PARD3: variants seen among roughly 807,000 people sequenced by gnomAD.
The protein encoded by PARD3 is par-3 family cell polarity regulator.
A neutral mutation model predicts 155.4 loss-of-function variants in PARD3; 75 were observed. That is an observed-to-expected ratio of 0.48 (90% CI 0.40 to 0.58). The LOEUF is 0.58. PARD3 is among the 20% of genes least tolerant of loss of function. The pLI is 0.00. For synonymous variants in PARD3, 576 were observed against 610.5 expected, an observed-to-expected ratio of 0.94 and a Z score of 0.83; for missense variants, 1,642 against 1,721.7, an observed-to-expected ratio of 0.95 and a Z score of 0.82.
At chr10:34,233,167 T>C (rs586562) in intron 22 of PARD3, among the ~76,000 whole-genome samples, 8,496 of 151,914 alleles carry the variant, frequency 0.056, 580 homozygotes, top group African/African-American at 0.15. Flanking sequence ...ATCAGGCGTG[T>C]AGCCAGATAT....
At chr10:34,418,060 A>G (rs1253888102) in intron 5 of PARD3, among the ~76,000 whole-genome samples, 2 of 152,222 alleles carry the variant, frequency 1.3e-5, no homozygotes, top group Non-Finnish European at 2.9e-5. Flanking sequence ...GTAATTCTAT[A>G]CTCTAGAAGC....
At chr10:34,293,573 A>G (rs1004726031) in intron 20 of PARD3, among the ~76,000 whole-genome samples, 1 of 152,232 alleles carries the variant, frequency 6.6e-6, no homozygotes, top group Non-Finnish European at 1.5e-5. Context: ...ATGTCCACTT[A>G]AAATGATTTG....
intron 20 of PARD3, among the ~76,000 whole-genome samples, chr10:34,305,866 G>C (rs1000801961): frequency 3.3e-5 from 5 of 152,134 alleles, no homozygotes; most frequent in Non-Finnish European, 7.4e-5. Context: ...TGCACCTATA[G>C]TCCCAGCTAC....
At chr10:34,203,959 C>G (rs1020248994) in intron 22 of PARD3, among the ~76,000 whole-genome samples, 1 of 152,178 alleles carries the variant, frequency 6.6e-6, no homozygotes, top group African/African-American at 2.4e-5. Context: ...CTCAAAGACG[C>G]CTCTCATGTT....
At chr10:34,166,095 G>C (rs1198543446) in intron 22 of PARD3, among the ~76,000 whole-genome samples, 2 of 152,156 alleles carry the variant, frequency 1.3e-5, no homozygotes, top group Non-Finnish European at 2.9e-5. Flanking sequence ...TTACAGATAT[G>C]AAGTACTTTA....
chr10:34,426,882 T>A (rs956975796), intron 5 of PARD3, among the ~76,000 whole-genome samples: 6 of 152,196 alleles, frequency 3.9e-5, no homozygotes, highest in Non-Finnish European at 7.3e-5. Context: ...GGACATTTAT[T>A]AGTTCCCCAA....
intron 1 of PARD3, among the ~76,000 whole-genome samples, chr10:34,723,365 A>G (rs1175625754): frequency 6.6e-6 from 1 of 152,206 alleles, no homozygotes; most frequent in African/African-American, 2.4e-5. Context: ...TATCCAGTAA[A>G]ATCATACGAG....
At chr10:34,127,927 T>C (rs1947373969) in intron 23 of PARD3, among the ~76,000 whole-genome samples, 1 of 152,212 alleles carries the variant, frequency 6.6e-6, no homozygotes, top group African/African-American at 2.4e-5. Flanking sequence ...TATAAGCAGA[T>C]TAACATAATT....
chr10:34,635,134 AAGG>A (rs1430025583), intron 2 of PARD3, among the ~76,000 whole-genome samples: 3 of 152,254 alleles, frequency 2.0e-5, no homozygotes, highest in African/African-American at 7.2e-5. Flanking sequence ...GACATTTTCA[AAGG>A]AGGAGGAGAA....
Position 34,470,219 on chromosome 10 carries a change from C to T in PARD3, c.448G>A (p.Gly150Ser), listed in dbSNP as rs773670703. ...VRRSSDPALI[G>S]LSTSVSDSNF... ...CTATCACTGACAGAAGTGGAGAGGC[C>T]AATTAGAGCTGGGTCACTACTGCGT... is the stretch of plus-strand genomic sequence containing the variant. The change falls in exon 4 of 25, where the codon GGC (glycine) becomes AGC (serine). Residue 150 changes from glycine (G) to serine (S), a missense_variant. This residue lies in a region of PARD3 where 1,529 missense variants were observed against 1,587.3 expected (regional missense o/e 0.96). Transcript: ENST00000374788. 11 of 1,612,242 alleles carry T rather than the reference C, an allele frequency of 6.8e-6. No individual in the cohort carries two copies. Among genetic ancestry groups the T allele is most frequent in the Non-Finnish European group, 9.3e-6 (11 of 1,179,176 alleles).
chr10:34,603,654 A>T (rs148178405), intron 2 of PARD3, among the ~76,000 whole-genome samples: 11 of 152,346 alleles, frequency 7.2e-5, no homozygotes, highest in Non-Finnish European at 1.0e-4. Context: ...ACCAGAGGCA[A>T]GTAATAGTAC....
At chr10:34,471,447 G>A (rs1246581328) in intron 3 of PARD3, among the ~76,000 whole-genome samples, 3 of 152,188 alleles carry the variant, frequency 2.0e-5, no homozygotes, top group Non-Finnish European at 2.9e-5. Flanking sequence ...GCAACTGAGT[G>A]AAATCACTCA....
chr10:34,810,864 G>T (rs898786113), intron 1 of PARD3, among the ~76,000 whole-genome samples: 1 of 152,028 alleles, frequency 6.6e-6, no homozygotes, highest in Non-Finnish European at 1.5e-5. Flanking sequence ...TGAGATAATG[G>T]GGCTCCGTAG....
chr10:34,375,251 C>T (rs1841110881), intron 10 of PARD3, among the ~76,000 whole-genome samples: 1 of 152,100 alleles, frequency 6.6e-6, no homozygotes, highest in Non-Finnish European at 1.5e-5. Flanking sequence ...CATCATTAAA[C>T]CCAAAGTGAC....
chr10:34,685,677 T>A (rs745601672), intron 2 of PARD3, among the ~76,000 whole-genome samples: 1 of 150,116 alleles, frequency 6.7e-6, no homozygotes, highest in African/African-American at 2.5e-5. Context: ...CACTACAACC[T>A]CCGCCTCCTG....
intron 1 of PARD3, among the ~76,000 whole-genome samples, chr10:34,735,859 A>G (rs903134584): frequency 2.0e-5 from 3 of 152,102 alleles, no homozygotes; most frequent in Admixed American, 1.3e-4. Context: ...TATTTTTTAT[A>G]TATATGGTAT....
At chr10:34,736,681 T>A (rs977580319) in intron 1 of PARD3, among the ~76,000 whole-genome samples, 10 of 150,942 alleles carry the variant, frequency 6.6e-5, no homozygotes, top group African/African-American at 2.5e-4. Flanking sequence ...TTTATTTATT[T>A]ATTTATTTAC....
At chr10:34,540,028 G>A (rs1344447724) in intron 2 of PARD3, among the ~76,000 whole-genome samples, 1 of 152,196 alleles carries the variant, frequency 6.6e-6, no homozygotes, top group Non-Finnish European at 1.5e-5. Flanking sequence ...CAAGTGTGCA[G>A]GGCGGAATGG....
chr10:34,154,418 T>A (rs906389068), intron 22 of PARD3, among the ~76,000 whole-genome samples: 1 of 152,176 alleles, frequency 6.6e-6, no homozygotes, highest in East Asian at 1.9e-4. Flanking sequence ...CACTGCAGCT[T>A]TCCTGGCAAC....
Sources: gnomAD v4.1 joint callset for allele counts (sites outside exome capture counted in the v4.1 genomes callset) on GRCh38, gnomAD v4.1.1 for gene constraint, gnomAD v4.1.1 regional missense constraint, MANE v1.5 for transcripts, NCBI Gene and HGNC (gene_info 2026-07-23, HGNC 2026-07-21) for gene names.